The following VTCN1 variants were observed in gnomAD, a reference collection of about 807,000 sequenced individuals.
VTCN1 encodes V-set domain-containing T-cell activation inhibitor 1.
VTCN1 carries 26 observed loss-of-function variants against 26.5 expected under a neutral mutation model. The ratio of observed to expected loss-of-function variants is 0.98; its 90% confidence interval spans 0.72 to 1.36. VTCN1 has a LOEUF of 1.36. VTCN1 is among the 40% of genes most tolerant of loss of function. The pLI is 0.00. For missense variants in VTCN1, 298 were observed against 337.7 expected, an observed-to-expected ratio of 0.88 and a Z score of 0.92; for synonymous variants, 116 against 130.7, an observed-to-expected ratio of 0.89 and a Z score of 0.77.
At chr1:117,188,841 A>C (rs1648096229) in intron 1 of VTCN1, among the ~76,000 whole-genome samples, 1 of 152,202 alleles carries the variant, frequency 6.6e-6, no homozygotes, top group South Asian at 2.1e-4. Flanking sequence ...TTTTATGCGA[A>C]TAATTTTAGG....
intron 1 of VTCN1, among the ~76,000 whole-genome samples, chr1:117,209,214 T>C (rs1050173244): frequency 2.0e-5 from 3 of 152,122 alleles, no homozygotes; most frequent in Non-Finnish European, 2.9e-5. Flanking sequence ...GGGTAGGGGA[T>C]ACGAATTTTG....
intron 2 of VTCN1, among the ~76,000 whole-genome samples, chr1:117,158,731 T>A (rs906904940): frequency 6.6e-6 from 1 of 152,184 alleles, no homozygotes; most frequent in Non-Finnish European, 1.5e-5. Context: ...TTTCACATTG[T>A]CAGGCTGCAA....
intron 1 of VTCN1, among the ~76,000 whole-genome samples, chr1:117,179,806 A>G (rs1211278600): frequency 1.3e-5 from 2 of 152,200 alleles, no homozygotes. Context: ...ACACTGCCTC[A>G]TCGATCTAAT....
At chr1:117,199,472 C>T (rs1011230445) in intron 1 of VTCN1, among the ~76,000 whole-genome samples, 1 of 151,704 alleles carries the variant, frequency 6.6e-6, no homozygotes, top group Admixed American at 6.6e-5. Flanking sequence ...ATTGCAGATG[C>T]CCACCACCAC....
intron 3 of VTCN1, among the ~76,000 whole-genome samples, chr1:117,154,397 A>G (rs1172537156): frequency 6.6e-6 from 1 of 152,254 alleles, no homozygotes; most frequent in Admixed American, 6.5e-5. Context: ...TCACGTGTAC[A>G]GAAAAGTTGC....
intron 2 of VTCN1, 193 bp from the exon 3 acceptor site, chr1:117,157,114 TAGCAG>T (rs1275247446): frequency 5.9e-5 from 35 of 596,048 alleles, no homozygotes; most frequent in Admixed American, 1.4e-4. Context: ...TATATATATA[TAGCAG>T]ATCTGTCATA....
intron 1 of VTCN1, among the ~76,000 whole-genome samples, chr1:117,194,255 G>A (rs527419092): frequency 5.9e-5 from 9 of 152,076 alleles, no homozygotes; most frequent in East Asian, 3.9e-4. Context: ...AATGGCTAAC[G>A]GGCAAATGAA....
chr1:117,205,747 T>C (rs2101609679), intron 1 of VTCN1, among the ~76,000 whole-genome samples: 1 of 152,358 alleles, frequency 6.6e-6, no homozygotes, highest in East Asian at 1.9e-4. Context: ...AGTAACATGT[T>C]GGTTCCTGCC....
chr1:117,189,598 T>G (rs1035677089), intron 1 of VTCN1, among the ~76,000 whole-genome samples: 31 of 152,202 alleles, frequency 2.0e-4, no homozygotes, highest in African/African-American at 7.2e-4. Context: ...GATAATAAAA[T>G]GAAACTTTAG....
At chr1:117,153,431 T>G in intron 3 of VTCN1, 62 bp from the exon 4 acceptor site, 3 of 1,517,022 alleles carry the variant, frequency 2.0e-6, no homozygotes, top group Non-Finnish European at 2.7e-6. Context: ...CAATATAGCC[T>G]TTGAAGCGCT....
intron 1 of VTCN1, among the ~76,000 whole-genome samples, chr1:117,205,035 TAC>T (rs1159757137): frequency 6.0e-5 from 9 of 149,494 alleles, no homozygotes; most frequent in African/African-American, 2.0e-4. Context: ...CGTATATATA[TAC>T]GTGTCCTGTA....
chr1:117,205,176 A>G lies in VTCN1; in HGVS notation c.32+5648T>C, dbSNP rs1334330074. Among the ~76,000 whole-genome samples, 731 of 148,772 alleles carry G rather than the reference A, an allele frequency of 4.9e-3. 8 individuals are homozygous for G. Among genetic ancestry groups the G allele is most frequent in the African/African-American group, 0.017 (671 of 40,542 alleles). ...TATATATAGAGAGAGAGAGAGAGAG[A>G]GGGGGGTCTCGCTCTATTACCCAGG... On this transcript the variant is annotated intron_variant, in intron 1 of 5. Transcript: ENST00000369458.
intron 4 of VTCN1, 100 bp downstream of exon 4, chr1:117,152,991 G>T (rs983658071): frequency 1.7e-5 from 24 of 1,379,848 alleles, no homozygotes; most frequent in African/African-American, 4.4e-5. Context: ...GGACTCTAGA[G>T]ATTTTTGTGC....
intron 1 of VTCN1, among the ~76,000 whole-genome samples, chr1:117,200,339 C>A (rs1427084632): frequency 1.3e-5 from 2 of 152,098 alleles, no homozygotes; most frequent in Non-Finnish European, 2.9e-5. Flanking sequence ...GTCAAGGCTA[C>A]AATGAGCCAT....
intron 1 of VTCN1, among the ~76,000 whole-genome samples, chr1:117,201,199 T>G (rs1046082495): frequency 1.3e-5 from 2 of 152,184 alleles, no homozygotes; most frequent in African/African-American, 4.8e-5. Context: ...GTCCAACTTA[T>G]AAAGCTGTGT....
chr1:117,174,576 G>A (rs539791803), intron 1 of VTCN1, among the ~76,000 whole-genome samples: 9 of 152,174 alleles, frequency 5.9e-5, no homozygotes, highest in East Asian at 1.9e-4. Context: ...AGACCAGCCC[G>A]GCCAACATGG....
chr1:117,178,187 T>C (rs1437802376), intron 1 of VTCN1, among the ~76,000 whole-genome samples: 6 of 151,888 alleles, frequency 4.0e-5, no homozygotes, highest in Non-Finnish European at 8.8e-5. Context: ...GATCCTCCCA[T>C]TTTGGTCTCC....
chr1:117,192,169 A>G (rs1648278947), intron 1 of VTCN1, among the ~76,000 whole-genome samples: 1 of 152,176 alleles, frequency 6.6e-6, no homozygotes, highest in Non-Finnish European at 1.5e-5. Context: ...CTTGTCACAT[A>G]TAAGGGAAAC....
At chr1:117,165,375 C>G (rs1187103912) in intron 2 of VTCN1, among the ~76,000 whole-genome samples, 2 of 152,154 alleles carry the variant, frequency 1.3e-5, no homozygotes, top group Non-Finnish European at 2.9e-5. Flanking sequence ...AGATATTTGT[C>G]TTCACCCAAA....
Sources: gnomAD v4.1 joint callset for allele counts (sites outside exome capture counted in the v4.1 genomes callset) on GRCh38, gnomAD v4.1.1 for gene constraint, MANE v1.5 for transcripts, NCBI Gene and HGNC (gene_info 2026-07-23, HGNC 2026-07-21) for gene names.